Variants in UNC79 observed in about 807,000 individuals in gnomAD.
UNC79 encodes protein unc-79 homolog.
UNC79 carries 37 observed loss-of-function variants against 283.1 expected under a neutral mutation model. The ratio of observed to expected loss-of-function variants is 0.13; its 90% confidence interval spans 0.10 to 0.17. UNC79 has a LOEUF of 0.17. UNC79 is among the 10% of genes least tolerant of loss of function. The pLI, the probability that UNC79 is intolerant of heterozygous loss-of-function variation, is 1.00. For synonymous variants in UNC79, 1,107 were observed against 1,200.2 expected, an observed-to-expected ratio of 0.92 and a Z score of 1.61; for missense variants, 2,272 against 3,211.1, an observed-to-expected ratio of 0.71 and a Z score of 7.07.
chr14:93,343,528 G>A (rs2053758496), intron 1 of UNC79, among the ~76,000 whole-genome samples: 1 of 152,114 alleles, frequency 6.6e-6, no homozygotes. Context: ...GTTCCTCAAA[G>A]GCCTTTGGTT....
chr14:93,532,838 T>C (rs1385851007), intron 11 of UNC79, among the ~76,000 whole-genome samples: 2 of 152,230 alleles, frequency 1.3e-5, no homozygotes, highest in Non-Finnish European at 2.9e-5. Flanking sequence ...TGTGTAATTC[T>C]GGGATAGGAG....
At chr14:93,396,344 A>G (rs2054996839) in intron 1 of UNC79, among the ~76,000 whole-genome samples, 1 of 151,752 alleles carries the variant, frequency 6.6e-6, no homozygotes, top group Non-Finnish European at 1.5e-5. Flanking sequence ...AATCCTTTAG[A>G]TATGATTTAG....
chr14:93,512,484 A>G (rs1235493466), intron 7 of UNC79, among the ~76,000 whole-genome samples: 1 of 151,954 alleles, frequency 6.6e-6, no homozygotes, highest in African/African-American at 2.4e-5. Context: ...TTATTCTGCC[A>G]TTTCTGTTTT....
rs1034009257 is a variant in UNC79, at chr14:93,575,271, G to A, written c.2211+73G>A. ...AACCCTTGTCAGTTATCCTACGCCT[G>A]AAAGTACTGTCATAAGAAACCAAAA... On this transcript the variant is annotated intron_variant, in intron 17 of 48. Coordinates refer to ENST00000555664, the Ensembl canonical transcript of UNC79. 7.5e-6 allele frequency: 12 copies of A among 1,595,472 alleles called. No individual in the cohort carries two copies. In the African/African-American group the frequency reaches 1.1e-4, roughly 14 times the overall value.
At chr14:93,391,707 G>T (rs184804452) in intron 1 of UNC79, among the ~76,000 whole-genome samples, 1 of 152,130 alleles carries the variant, frequency 6.6e-6, no homozygotes, top group African/African-American at 2.4e-5. Context: ...GAGATTACAG[G>T]TGTGAGTTAC....
rs916119809 is a variant in UNC79 at position 93,531,668 on chromosome 14, C to T, written c.1094-882C>T. ...AATTGATAATTTAAATCTAGGTAGT[C>T]CAAGTTAGTAATTTTGTCTACAGTT... is the stretch of plus-strand genomic sequence containing the variant. On this transcript the variant is annotated intron_variant, in intron 10 of 48. Coordinates refer to ENST00000555664, the Ensembl canonical transcript of UNC79. The surrounding 1 kb of genome is among the most constrained non-coding windows in gnomAD (Gnocchi z 4.2). Among the ~76,000 whole-genome samples, 3 of 152,130 alleles carry T rather than the reference C, an allele frequency of 2.0e-5. No homozygotes were observed. The highest frequency in any genetic ancestry group is 6.5e-5 in the Admixed American group (1 of 15,274).
intron 1 of UNC79, among the ~76,000 whole-genome samples, chr14:93,438,965 C>T (rs2056195849): frequency 6.6e-6 from 1 of 151,814 alleles, no homozygotes; most frequent in Non-Finnish European, 1.5e-5. Flanking sequence ...TTTCTTTCGT[C>T]ATTTTTTGCC....
At chr14:93,427,767 A>G (rs936095526), upstream of UNC79, among the ~76,000 whole-genome samples, 6 of 152,108 alleles carry the variant, frequency 3.9e-5, no homozygotes, top group Non-Finnish European at 8.8e-5. Context: ...TAAATAATAT[A>G]AAATATAAGG....
At chr14:93,388,176 A>C (rs924879247) in intron 1 of UNC79, among the ~76,000 whole-genome samples, 1 of 151,838 alleles carries the variant, frequency 6.6e-6, no homozygotes, top group East Asian at 1.9e-4. Flanking sequence ...CAATGGTGCA[A>C]TCTTGGCTCA....
chr14:93,384,693 C>G (rs940003577), intron 1 of UNC79, among the ~76,000 whole-genome samples: 1 of 152,144 alleles, frequency 6.6e-6, no homozygotes, highest in Non-Finnish European at 1.5e-5. Flanking sequence ...TGTGCAGAAG[C>G]TTTTTAACTT....
chr14:93,423,875 A>C (rs2055664527), intron 1 of UNC79, among the ~76,000 whole-genome samples: 1 of 152,224 alleles, frequency 6.6e-6, no homozygotes, highest in Admixed American at 6.5e-5. Flanking sequence ...GATCACATCA[A>C]GTTAAAAGGC....
At chr14:93,687,286 T>G (rs1186975324) in intron 43 of UNC79, among the ~76,000 whole-genome samples, 1 of 152,220 alleles carries the variant, frequency 6.6e-6, no homozygotes, top group Non-Finnish European at 1.5e-5. Flanking sequence ...CAAAATTTAA[T>G]TTGCATATGG....
At chr14:93,386,360 G>A (rs925288213) in intron 1 of UNC79, among the ~76,000 whole-genome samples, 14 of 152,124 alleles carry the variant, frequency 9.2e-5, no homozygotes, top group African/African-American at 3.4e-4. Flanking sequence ...ATGTGCTGTT[G>A]AATTTGGTTT....
chr14:93,389,250 A>G (rs1313249913), intron 1 of UNC79, among the ~76,000 whole-genome samples: 1 of 152,202 alleles, frequency 6.6e-6, no homozygotes, highest in Non-Finnish European at 1.5e-5. Context: ...CAAACCTAAG[A>G]TGACAGAAAT....
chr14:93,346,695 A>G (rs1290798533), intron 1 of UNC79, among the ~76,000 whole-genome samples: 3 of 152,228 alleles, frequency 2.0e-5, no homozygotes, highest in African/African-American at 7.2e-5. Context: ...AACTCTGCCA[A>G]TGCCAGGGCA....
chr14:93,365,748 A>C (rs2054315995), intron 1 of UNC79, among the ~76,000 whole-genome samples: 1 of 152,196 alleles, frequency 6.6e-6, no homozygotes, highest in East Asian at 1.9e-4. Context: ...AACAGTGAGA[A>C]AAAAGGGCAC....
exon 27 of UNC79, chr14:93,612,849 C>G: frequency 6.2e-7 from 1 of 1,614,112 alleles, no homozygotes; most frequent in Non-Finnish European, 8.5e-7. Flanking sequence ...TCCCAGAAGA[C>G]GCTGGGATCG....
intron 19 of UNC79, 83 bp downstream of exon 19, chr14:93,580,459 C>T: frequency 7.5e-7 from 1 of 1,339,592 alleles, no homozygotes; most frequent in Non-Finnish European, 1.0e-6. Flanking sequence ...CTTCCTCCAG[C>T]AGCATCTTAT....
At chr14:93,413,031 AT>A (rs1014063108) in intron 1 of UNC79, among the ~76,000 whole-genome samples, 13 of 151,970 alleles carry the variant, frequency 8.6e-5, no homozygotes, top group South Asian at 6.3e-4. Context: ...GACAACTCTT[AT>A]TTTTTTTATT....
Sources: gnomAD v4.1 joint callset for allele counts (sites outside exome capture counted in the v4.1 genomes callset) on GRCh38, gnomAD v4.1.1 for gene constraint, Gnocchi (gnomAD v3.1) non-coding constraint, MANE v1.5 for transcripts, NCBI Gene and HGNC (gene_info 2026-07-23, HGNC 2026-07-21) for gene names.